GFRA1: variants seen among roughly 807,000 people sequenced by gnomAD.
The protein encoded by GFRA1 is GDNF family receptor alpha-1.
Under a neutral mutation model 51.6 loss-of-function variants are expected in GFRA1, and 16 were observed. That is an observed-to-expected ratio of 0.31 (90% CI 0.21 to 0.47). The LOEUF is 0.47. GFRA1 is among the 20% of genes least tolerant of loss of function. GFRA1 has a pLI of 1.00. For synonymous variants in GFRA1, 270 were observed against 241.3 expected (o/e 1.12, Z -1.10); for missense variants, 530 against 594.3 (o/e 0.89, Z 1.13).
chr10:116,096,634 C>T (rs2072275), intron 7 of GFRA1, 21 bp downstream of exon 7: 141,205 of 1,335,406 alleles, frequency 0.11, 7,752 homozygotes, highest in African/African-American at 0.11. Context: ...CTTCTCCCAT[C>T]CTGCTTCTCT....
At chr10:116,112,230 G>T (rs1957240740) in intron 6 of GFRA1, among the ~76,000 whole-genome samples, 4 of 152,164 alleles carry the variant, frequency 2.6e-5, no homozygotes, top group Admixed American at 2.6e-4. Flanking sequence ...TCCTTTGCTG[G>T]AGTGAACGTT....
chr10:116,080,080 G>A lies in GFRA1; in HGVS notation c.1197+9661C>T, dbSNP rs532685942. Among the ~76,000 whole-genome samples, 4 of 152,172 alleles carry A rather than the reference G, an allele frequency of 2.6e-5. No homozygotes were observed. The East Asian group carries it at 7.7e-4, about 29-fold the overall frequency. On this transcript the variant is annotated intron_variant, in intron 9 of 10. Coordinates refer to ENST00000355422, the MANE Select transcript of GFRA1 (RefSeq NM_005264.8). ...TCCTTAAGGGCACTTCTCTGACACTGAAGGTGGGACGAAGGGGGACAGTGA... is the reference window on the plus strand; with the variant it reads ...TCCTTAAGGGCACTTCTCTGACACTAAAGGTGGGACGAAGGGGGACAGTGA...
In GFRA1 at chr10:116,089,853, G is replaced by A. The variant is rs1462077990; in HGVS notation, c.1085C>T (p.Thr362Ile). Reference sequence around the variant, plus strand: ...GGCAGTGGTGGTAGTGGCAGTGGTGGTCTGTACTGGGAAGGCTGGCTGCCA... The same window carrying A: ...GGCAGTGGTGGTAGTGGCAGTGGTGATCTGTACTGGGAAGGCTGGCTGCCA... The part of the protein sequence containing the change: ...TVWQPAFPVQ[T>I]TTATTTTALR... The change falls in exon 9 of 11, where the codon ACC becomes ATC. Residue 362 changes from threonine to isoleucine, a missense_variant. Physicochemically the swap from Thr to Ile is moderately conservative, Grantham distance 89. Coordinates refer to ENST00000355422, the MANE Select transcript of GFRA1 (RefSeq NM_005264.8). 1 of 1,614,094 alleles carries A rather than the reference G, an allele frequency of 6.2e-7. No homozygotes were observed. Among genetic ancestry groups the A allele is most frequent in the Non-Finnish European group, 8.5e-7 (1 of 1,179,992 alleles).
intron 5 of GFRA1, among the ~76,000 whole-genome samples, chr10:116,167,140 A>G (rs1960540061): frequency 6.6e-6 from 1 of 151,966 alleles, no homozygotes; most frequent in South Asian, 2.1e-4. Context: ...GTGTCTTCTC[A>G]AGCCATATTT....
intron 5 of GFRA1, among the ~76,000 whole-genome samples, chr10:116,162,931 T>A (rs3781535): frequency 0.46 from 70,644 of 151,974 alleles, 17,862 homozygotes; most frequent in Middle Eastern, 0.59. Flanking sequence ...TCTGAACATA[T>A]ACCTGCATGC....
At chr10:116,091,271 G>T (rs1274814585) in intron 8 of GFRA1, among the ~76,000 whole-genome samples, 1 of 152,190 alleles carries the variant, frequency 6.6e-6, no homozygotes, top group Non-Finnish European at 1.5e-5. Context: ...ACTGAACTAT[G>T]CATGGGGCAC....
chr10:116,247,922 A>C (rs1429032315), intron 4 of GFRA1, among the ~76,000 whole-genome samples: 1 of 152,206 alleles, frequency 6.6e-6, no homozygotes, highest in Non-Finnish European at 1.5e-5. Context: ...TGTAGAATGA[A>C]TCACTTATGC....
intron 4 of GFRA1, chr10:116,255,505 AAC>A: frequency 3.1e-6 from 3 of 952,708 alleles, no homozygotes; most frequent in Non-Finnish European, 4.0e-6. Context: ...GAAAAAAAAA[AAC>A]AAAAAAAAAA....
intron 5 of GFRA1, among the ~76,000 whole-genome samples, chr10:116,180,966 C>T (rs1962158609): frequency 6.6e-6 from 1 of 152,156 alleles, no homozygotes; most frequent in Non-Finnish European, 1.5e-5. Context: ...GGTTCAGAAG[C>T]CCAATCTTCT....
chr10:116,094,215 TAAAC>T (rs1292517632), intron 7 of GFRA1, among the ~76,000 whole-genome samples: 1 of 152,196 alleles, frequency 6.6e-6, no homozygotes, highest in African/African-American at 2.4e-5. Context: ...TTACATATCT[TAAAC>T]AATTTTGTTT....
At chr10:116,187,318 CT>C (rs1439607678) in intron 5 of GFRA1, among the ~76,000 whole-genome samples, 1 of 152,154 alleles carries the variant, frequency 6.6e-6, no homozygotes, top group Non-Finnish European at 1.5e-5. Flanking sequence ...CCAGTGTCTG[CT>C]CGGCCAGCAT....
At chr10:116,124,163 C>A (rs1957757082) in intron 6 of GFRA1, among the ~76,000 whole-genome samples, 2 of 152,116 alleles carry the variant, frequency 1.3e-5, no homozygotes, top group Admixed American at 1.3e-4. Context: ...CCTCAGCCTC[C>A]CAAAGCGTTG....
At chr10:116,235,428 CT>C (rs76625343) in intron 4 of GFRA1, among the ~76,000 whole-genome samples, 14,520 of 152,192 alleles carry the variant, frequency 0.095, 841 homozygotes, top group East Asian at 0.15. Context: ...ATCCAAATCC[CT>C]TGCTAAAGTC....
chr10:116,093,597 AG>A (rs1318323467), intron 8 of GFRA1, 104 bp downstream of exon 8: 6 of 978,772 alleles, frequency 6.1e-6, no homozygotes, highest in Non-Finnish European at 9.8e-6. Flanking sequence ...CAAGAGGTAC[AG>A]GCACAAGGTA....
intron 6 of GFRA1, among the ~76,000 whole-genome samples, chr10:116,097,940 T>A (rs1956669324): frequency 6.6e-6 from 1 of 152,196 alleles, no homozygotes; most frequent in Admixed American, 6.5e-5. Flanking sequence ...GCATTATGCA[T>A]CCCTTTCCTG....
chr10:116,076,953 T>C (rs1955643762), intron 9 of GFRA1, among the ~76,000 whole-genome samples: 1 of 152,210 alleles, frequency 6.6e-6, no homozygotes, highest in Non-Finnish European at 1.5e-5. Flanking sequence ...AACACTTGTA[T>C]TACTCGTAAT....
chr10:116,181,668 C>T (rs1289884575), intron 5 of GFRA1, among the ~76,000 whole-genome samples: 1 of 151,196 alleles, frequency 6.6e-6, no homozygotes, highest in Non-Finnish European at 1.5e-5. Flanking sequence ...GACAGAGTCT[C>T]ACTGTATCAC....
At chr10:116,117,412 C>T (rs959945474) in intron 6 of GFRA1, among the ~76,000 whole-genome samples, 3 of 152,042 alleles carry the variant, frequency 2.0e-5, no homozygotes, top group Non-Finnish European at 4.4e-5. Context: ...TTTGTCCCTT[C>T]CTGCCAGAGA....
intron 9 of GFRA1, among the ~76,000 whole-genome samples, chr10:116,085,505 T>G (rs1469579172): frequency 6.7e-6 from 1 of 149,566 alleles, no homozygotes; most frequent in Non-Finnish European, 1.5e-5. Flanking sequence ...CATTCTAAGA[T>G]ATTTCTAGGA....
Sources: gnomAD v4.1 joint callset for allele counts (sites outside exome capture counted in the v4.1 genomes callset) on GRCh38, gnomAD v4.1.1 for gene constraint, MANE v1.5 for transcripts, NCBI Gene and HGNC (gene_info 2026-07-23, HGNC 2026-07-21) for gene names.